Variants in INTS11 observed in about 807,000 individuals in gnomAD.
INTS11 encodes CPSF3-like protein.
Under a neutral mutation model 78.6 loss-of-function variants are expected in INTS11, and 77 were observed. The observed-to-expected ratio is 0.98, with a 90% confidence interval of 0.81 to 1.18. INTS11 has a LOEUF of 1.18. Ranked by LOEUF, INTS11 falls within the 50% of genes most tolerant of loss-of-function variation. The pLI, the probability that INTS11 is intolerant of heterozygous loss-of-function variation, is 0.00. For synonymous variants in INTS11, 441 were observed against 326.9 expected, an observed-to-expected ratio of 1.35 and a Z score of -3.77; for missense variants, 875 against 825.9, an observed-to-expected ratio of 1.06 and a Z score of -0.73.
intron 1 of INTS11, among the ~76,000 whole-genome samples, 200 bp downstream of exon 1, chr1:1,324,381 T>C (rs1242709248): frequency 6.6e-6 from 1 of 152,104 alleles, no homozygotes; most frequent in African/African-American, 2.4e-5. Flanking sequence ...GGGCTCGCGT[T>C]CTCGCGTCAC....
intron 1 of INTS11, chr1:1,323,205 C>T (rs1240076874): frequency 5.8e-6 from 9 of 1,550,288 alleles, no homozygotes; most frequent in East Asian, 2.4e-5. Flanking sequence ...CATGGAATCC[C>T]GTCCTGGTGT....
intron 4 of INTS11, chr1:1,316,460 G>A (rs1570723671): frequency 6.6e-6 from 1 of 152,206 alleles, no homozygotes; most frequent in Non-Finnish European, 1.5e-5. Flanking sequence ...ATGGTGGTGG[G>A]TGCTTGTAAT....
In INTS11 at chr1:1,312,709, CGGG is replaced by C; in HGVS notation, c.1295-12_1295-10del. ...CATGTAGCAGTTGACCCCTGGACCC[CGGG>C]GGAAGAGAGAGCCTCAGCCCAGGCT... On this transcript the variant is annotated splice_polypyrimidine_tract_variant and intron_variant, in intron 12 of 16. Transcript: ENST00000435064. 6.3e-7 allele frequency: 1 copy of C among 1,590,440 alleles called. No individual in the cohort carries two copies. The highest frequency in any genetic ancestry group is 1.1e-5 in the South Asian group (1 of 88,702).
chr1:1,315,292 G>A, intron 6 of INTS11, 112 bp downstream of exon 6: 1 of 1,329,462 alleles, frequency 7.5e-7, no homozygotes, highest in South Asian at 1.2e-5. Flanking sequence ...GGCCGCACAG[G>A]ACATGGGAGA....
intron 3 of INTS11, chr1:1,320,175 G>C: frequency 2.4e-6 from 1 of 425,214 alleles, no homozygotes; most frequent in Non-Finnish European, 4.3e-6. Flanking sequence ...CAAGACAGTG[G>C]GGTTTAAAGA....
chr1:1,320,315 G>A, intron 3 of INTS11, 141 bp downstream of exon 3: 1 of 748,602 alleles, frequency 1.3e-6, no homozygotes. Context: ...GGCAGGCAGG[G>A]AGCAGATCCT....
intron 1 of INTS11, among the ~76,000 whole-genome samples, chr1:1,322,151 G>A (rs1345867476): frequency 2.0e-5 from 3 of 152,070 alleles, no homozygotes; most frequent in Non-Finnish European, 4.4e-5. Flanking sequence ...AGGGAGGGCC[G>A]CCCCTCTTCA....
Position 1,313,499 on chromosome 1 carries a change from A to G in INTS11, c.1041+10T>C, listed in dbSNP as rs1244395736. ...AGCTTCCAGATTCCCACACCTCACC[A>G]TGCCCTCACCATGTTCTTTTCGTTT... On this transcript the variant is annotated intron_variant, in intron 10 of 16. Coordinates refer to ENST00000435064, the MANE Select transcript of INTS11 (RefSeq NM_017871.6). 2 of 1,612,862 alleles carry G rather than the reference A, an allele frequency of 1.2e-6. No individual in the cohort carries two copies.
At chr1:1,315,803 AGGCAGGGGCAGGGAGTGAGGGG>A (rs1642563306) in intron 4 of INTS11, 185 bp from the exon 5 acceptor site, 1 of 18,176 alleles carries the variant, frequency 5.5e-5, no homozygotes, top group African/African-American at 2.3e-4. Flanking sequence ...GCAGCGAGGG[AGGCAGGGGCAGGGAGTGAGGGG>A]GGCGGGGGCA....
At chr1:1,317,425 A>G (rs1009372856) in intron 4 of INTS11, 1 of 958,366 alleles carries the variant, frequency 1.0e-6, no homozygotes, top group Non-Finnish European at 1.2e-6. Flanking sequence ...AAAGAATTCA[A>G]CAGATGAATT....
chr1:1,318,842 G>A (rs776815068), intron 4 of INTS11: 9 of 620,018 alleles, frequency 1.5e-5, no homozygotes, highest in African/African-American at 1.8e-5. Flanking sequence ...AATTTCACCT[G>A]TCACTCGCTG....
chr1:1,313,242 A>C (rs762958897), intron 10 of INTS11, 118 bp from the exon 11 acceptor site: 2 of 1,213,028 alleles, frequency 1.6e-6, no homozygotes, highest in Non-Finnish European at 2.3e-6. Context: ...GCGGCGCCCG[A>C]CCAAGCCTAG....
At chr1:1,320,221 C>T (rs936887430) in intron 3 of INTS11, 16 of 534,192 alleles carry the variant, frequency 3.0e-5, no homozygotes, top group Non-Finnish European at 5.1e-5. Flanking sequence ...AGGGTGAAGC[C>T]TGGAGGGCCG....
At chr1:1,318,083 G>C (rs1435218211) in intron 4 of INTS11, among the ~76,000 whole-genome samples, 1 of 152,022 alleles carries the variant, frequency 6.6e-6, no homozygotes, top group Non-Finnish European at 1.5e-5. Context: ...TGTTAGCCAG[G>C]ATGGTCTCGA....
At chr1:1,321,932 G>A in intron 1 of INTS11, 1 of 1,289,928 alleles carries the variant, frequency 7.8e-7, no homozygotes, top group Non-Finnish European at 1.0e-6. Flanking sequence ...CACTCGAAGT[G>A]TCCAAAGCCA....
chr1:1,323,111 C>T, intron 1 of INTS11: 2 of 1,529,392 alleles, frequency 1.3e-6, no homozygotes, highest in Non-Finnish European at 1.8e-6. Flanking sequence ...ATGGGGTGTG[C>T]ACAGGCCAGG....
chr1:1,324,561 T>C lies in INTS11; in HGVS notation c.28+20A>G, dbSNP rs1240255342. On this transcript the variant is annotated intron_variant, in intron 1 of 16. Transcript: ENST00000435064. ...GCATACGGAGCCCACCCCACAGCCC[T>C]CCCGGCGGCTCCCACTCACCCAAGG... is the stretch of plus-strand genomic sequence containing the variant. The C allele has an allele frequency of 1.3e-6, 2 of 1,588,970 alleles. No individual in the cohort carries two copies. Among genetic ancestry groups the C allele is most frequent in the Non-Finnish European group, 8.5e-7 (1 of 1,169,986 alleles).
chr1:1,320,689 ACAGCATCCGGAGGGGCCGAGGTTACC>A, intron 2 of INTS11, 160 bp from the exon 3 acceptor site: 1 of 791,702 alleles, frequency 1.3e-6, no homozygotes, highest in Non-Finnish European at 2.2e-6. Context: ...CTGGCTGCTC[ACAGCATCCGGAGGGGCCGAGGTTACC>A]CCCAACCTCA....
rs759057921 is a variant in INTS11 at position 1,320,921 on chromosome 1, C to T, written c.126+75G>A. On this transcript the variant is annotated intron_variant, in intron 2 of 16. Transcript: ENST00000435064. Reference sequence around the variant, plus strand: ...ACTGCTGCCCACCACCCCACTGTCCCGGCTCTGAGGCCCAGGGTCCAGCTG... The same window carrying T: ...ACTGCTGCCCACCACCCCACTGTCCTGGCTCTGAGGCCCAGGGTCCAGCTG... 20 of 1,326,996 alleles carry T rather than the reference C, an allele frequency of 1.5e-5. No homozygotes were observed. In the South Asian group the frequency reaches 1.5e-4, roughly 10 times the overall value. 82.2% of individuals were successfully genotyped at this position (1,326,996 alleles called of 1,614,324 possible).
Sources: allele counts gnomAD v4.1 joint callset (sites outside exome capture counted in the v4.1 genomes callset), GRCh38; gene constraint gnomAD v4.1.1; transcripts MANE v1.5; gene names NCBI Gene and HGNC (gene_info 2026-07-23, HGNC 2026-07-21).